The following ESR1 variants were observed in gnomAD, a reference collection of about 807,000 sequenced individuals.
ESR1 encodes the protein estrogen receptor.
In ESR1, 12 loss-of-function variants were observed where a neutral mutation model predicts 52.7. The ratio of observed to expected loss-of-function variants is 0.23; its 90% CI spans 0.15 to 0.37. The LOEUF (loss-of-function observed/expected upper bound fraction) is 0.37. ESR1 is among the 10% of genes least tolerant of loss of function. ESR1 has a pLI of 1.00. For synonymous variants in ESR1, 305 were observed against 316.8 expected, an observed-to-expected ratio of 0.96 and a Z score of 0.39; for missense variants, 584 against 779.7, an observed-to-expected ratio of 0.75 and a Z score of 2.99.
At chr6:151,739,792 T>C (rs1483922549) in intron 2 of ESR1, among the ~76,000 whole-genome samples, 7 of 152,266 alleles carry the variant, frequency 4.6e-5, no homozygotes, top group African/African-American at 1.7e-4. Flanking sequence ...TTTCTATTTC[T>C]TTCAGACAGA....
intron 1 of ESR1, among the ~76,000 whole-genome samples, chr6:151,693,178 A>G (rs150034647): frequency 6.6e-6 from 1 of 152,344 alleles, no homozygotes; most frequent in East Asian, 1.9e-4. Context: ...TCCAAGCATT[A>G]GAAACTCAGT....
At chr6:151,700,361 C>T (rs958398391) in intron 1 of ESR1, among the ~76,000 whole-genome samples, 2 of 152,110 alleles carry the variant, frequency 1.3e-5, no homozygotes, top group Non-Finnish European at 2.9e-5. Context: ...TTCTGAGGCT[C>T]TGACCTTTAT....
In ESR1 at chr6:152,009,434, G is replaced by A. The variant is rs9340957; in HGVS notation, c.1097-2222G>A. Among the ~76,000 whole-genome samples the A allele has an allele frequency of 2.0e-4, 30 of 152,228 alleles. No homozygotes were observed. The East Asian group carries it at 5.0e-3, about 26-fold the overall frequency. ...TACATGCATGATTAATTTGAATACA[G>A]TATAGCAAAATGATCTGTTAAAAAA... On this transcript the variant is annotated intron_variant, in intron 4 of 7. Transcript: ENST00000206249.
At chr6:151,675,318 G>C (rs1003041159) in intron 1 of ESR1, among the ~76,000 whole-genome samples, 5 of 152,164 alleles carry the variant, frequency 3.3e-5, no homozygotes, top group African/African-American at 1.2e-4. Flanking sequence ...AGCTGAGCAG[G>C]TCAGGTCCAA....
chr6:152,119,313 C>T (rs969278402), intron 6 of ESR1, among the ~76,000 whole-genome samples: 6 of 152,148 alleles, frequency 3.9e-5, no homozygotes, highest in African/African-American at 1.4e-4. Flanking sequence ...CTTCTCACTT[C>T]TTACAAAAAC....
Position 152,056,096 on chromosome 6 carries a change from T to C in ESR1, c.1236-4895T>C, listed in dbSNP as rs149007567. 3.0e-3 allele frequency among the ~76,000 whole-genome samples: 464 copies of C among 152,234 alleles called. 6 individuals carry two copies. The highest frequency in any genetic ancestry group is 0.011 in the African/African-American group (439 of 41,546). On this transcript the variant is annotated intron_variant, in intron 5 of 7. Transcript: ENST00000206249. The stretch of plus-strand genomic sequence containing the variant: ...AGCTGGACTCAAGAGTCTAAACAAC[T>C]TTCATTTTAAAATTTTCATCTTTCA...
intron 5 of ESR1, among the ~76,000 whole-genome samples, chr6:152,021,157 C>G (rs1395101195): frequency 1.3e-5 from 2 of 151,994 alleles, no homozygotes; most frequent in Non-Finnish European, 2.9e-5. Flanking sequence ...GCACACCCAC[C>G]CTTAATCTGG....
rs893556042 is a variant in ESR1 at position 151,987,340 on chromosome 6, C to A, written c.1097-24316C>A. 3.9e-5 allele frequency among the ~76,000 whole-genome samples: 6 copies of A among 152,222 alleles called. No individual in the cohort carries two copies. In the South Asian group the frequency reaches 8.3e-4, roughly 21 times the overall value. Reference sequence around the variant, plus strand: ...GTGGCGCAATCTCCGCTCGCTGCAACCTCTGCCTCCTGGGTTCAAGTGATT... The same window carrying A: ...GTGGCGCAATCTCCGCTCGCTGCAAACTCTGCCTCCTGGGTTCAAGTGATT... On this transcript the variant is annotated intron_variant, in intron 4 of 7. Coordinates refer to ENST00000206249, the MANE Select transcript of ESR1 (RefSeq NM_000125.4).
chr6:151,853,268 A>G (rs1697015251), intron 2 of ESR1, among the ~76,000 whole-genome samples: 1 of 151,918 alleles, frequency 6.6e-6, no homozygotes, highest in African/African-American at 2.4e-5. Flanking sequence ...GGTATTGGTA[A>G]ATTTGCTAGG....
At chr6:151,686,728 C>T (rs967408140), upstream of ESR1, among the ~76,000 whole-genome samples, 10 of 150,992 alleles carry the variant, frequency 6.6e-5, no homozygotes, top group African/African-American at 2.5e-4. Context: ...AACCAACCAA[C>T]CAACCAGCAC....
chr6:151,719,939 C>T (rs1781340110), intron 2 of ESR1, among the ~76,000 whole-genome samples: 1 of 152,140 alleles, frequency 6.6e-6, no homozygotes, highest in East Asian at 1.9e-4. Flanking sequence ...GAATATTTGA[C>T]TTAGGATACT....
At chr6:152,052,792 C>G (rs1380737163) in intron 5 of ESR1, among the ~76,000 whole-genome samples, 1 of 152,020 alleles carries the variant, frequency 6.6e-6, no homozygotes, top group Non-Finnish European at 1.5e-5. Flanking sequence ...GGTGGTGATC[C>G]AAGCAGACAG....
At chr6:151,680,349 G>T (rs1017742114) in intron 1 of ESR1, among the ~76,000 whole-genome samples, 4 of 151,908 alleles carry the variant, frequency 2.6e-5, no homozygotes, top group Non-Finnish European at 5.9e-5. Context: ...GACTACAGGT[G>T]CACACCACCA....
chr6:151,788,023 G>A (rs1008432992), intron 2 of ESR1, among the ~76,000 whole-genome samples: 11 of 152,098 alleles, frequency 7.2e-5, no homozygotes, highest in African/African-American at 1.4e-4. Flanking sequence ...GACTACTGAG[G>A]CAATACCATC....
chr6:151,667,213 T>C (rs1012786959), intron 1 of ESR1, among the ~76,000 whole-genome samples: 2 of 152,228 alleles, frequency 1.3e-5, no homozygotes, highest in African/African-American at 4.8e-5. Flanking sequence ...TATGTTCCCA[T>C]AGACACCAAT....
At chr6:151,808,507 C>T in intron 1 of ESR1, 143 bp downstream of exon 1, 2 of 627,592 alleles carry the variant, frequency 3.2e-6, no homozygotes, top group Non-Finnish European at 4.8e-6. Flanking sequence ...GCCCGGGGCG[C>T]GCGGCCCAGC....
chr6:151,940,194 A>G (rs758595567), intron 3 of ESR1, among the ~76,000 whole-genome samples: 2 of 152,162 alleles, frequency 1.3e-5, no homozygotes, highest in Admixed American at 6.5e-5. Context: ...TGAAACCATC[A>G]GATCTCATGA....
chr6:151,925,363 T>C (rs1477907995), intron 3 of ESR1, among the ~76,000 whole-genome samples: 1 of 152,174 alleles, frequency 6.6e-6, no homozygotes, highest in Non-Finnish European at 1.5e-5. Context: ...TCCCAGCACT[T>C]TGGGAAGCTG....
chr6:151,910,033 A>T (rs1209321999), intron 3 of ESR1, among the ~76,000 whole-genome samples: 1 of 151,748 alleles, frequency 6.6e-6, no homozygotes, highest in African/African-American at 2.4e-5. Flanking sequence ...CTAGGCAGAG[A>T]TTACATTCAA....
Sources: gnomAD v4.1 joint callset for allele counts (sites outside exome capture counted in the v4.1 genomes callset) on GRCh38, gnomAD v4.1.1 for gene constraint, MANE v1.5 for transcripts, NCBI Gene and HGNC (gene_info 2026-07-23, HGNC 2026-07-21) for gene names.